Variants in ADAMTS13 observed in about 807,000 individuals in gnomAD.
ADAMTS13 encodes A disintegrin and metalloproteinase with thrombospondin motifs 13.
In ADAMTS13, 110 loss-of-function variants were observed where a neutral mutation model predicts 155.1. That is an observed-to-expected ratio of 0.71 (90% confidence interval 0.61 to 0.83). The LOEUF is 0.83. Among genes scored for constraint, ADAMTS13 ranks in the 40% least tolerant of loss-of-function variants. The pLI is 0.00. For missense variants in ADAMTS13, 1,707 were observed against 1,891.7 expected, an observed-to-expected ratio of 0.90 and a Z score of 1.81; for synonymous variants, 758 against 756.4, an observed-to-expected ratio of 1.00 and a Z score of -0.03.
At chr9:133,447,504 C>T (rs1003017724) in intron 21 of ADAMTS13, among the ~76,000 whole-genome samples, 19 of 152,094 alleles carry the variant, frequency 1.2e-4, no homozygotes, top group Admixed American at 3.3e-4. Flanking sequence ...TGAGCTCAAG[C>T]GATCCTTCTG....
intron 1 of ADAMTS13, among the ~76,000 whole-genome samples, chr9:133,416,370 A>T (rs56190949): frequency 2.6e-5 from 4 of 152,154 alleles, no homozygotes; most frequent in African/African-American, 7.2e-5. Flanking sequence ...TTTCTTTTTT[A>T]AAAAAACTAC....
chr9:133,427,736 T>A (rs919069052), intron 6 of ADAMTS13, among the ~76,000 whole-genome samples: 2 of 152,192 alleles, frequency 1.3e-5, no homozygotes, highest in African/African-American at 4.8e-5. Flanking sequence ...GCATAGCCCC[T>A]TTTGAAGCCA....
Position 133,442,404 on chromosome 9 carries a change from C to T in ADAMTS13, c.1974C>T (p.Tyr658=), listed in dbSNP as rs1841737511. 2 of 1,613,834 alleles carry T rather than the reference C, an allele frequency of 1.2e-6. No individual in the cohort carries two copies. Among genetic ancestry groups the T allele is most frequent in the South Asian group, 1.1e-5 (1 of 91,094 alleles). ...PLQEDADIQV[Y]RRYGEEYGNL... ...CTGAAGCTCTTTGTCTGCAGGTTTA[C>T]AGGCGGTATGGCGAGGAGTATGGCA... Residue 658 remains tyrosine (Y), a synonymous_variant, in exon 17 of 29, where the codon TAC becomes TAT. Transcript: ENST00000355699.
At chr9:133,417,375 A>G (rs1554781855), upstream of ADAMTS13, among the ~76,000 whole-genome samples, 2 of 152,378 alleles carry the variant, frequency 1.3e-5, no homozygotes. Context: ...TTAGTTCATT[A>G]TGCAAAAGGT....
chr9:133,451,461 T>A (rs587601394), intron 23 of ADAMTS13, among the ~76,000 whole-genome samples: 67 of 152,260 alleles, frequency 4.4e-4, no homozygotes, highest in African/African-American at 1.6e-3. Context: ...TTTCACCATA[T>A]TGGTCAGGCC....
intron 1 of ADAMTS13, chr9:133,416,028 A>C (rs955449403): frequency 6.6e-6 from 1 of 152,230 alleles, no homozygotes; most frequent in Non-Finnish European, 1.5e-5. Flanking sequence ...GCTATAAAGG[A>C]ATACCTGTGT....
chr9:133,437,885 G>A lies in ADAMTS13; in HGVS notation c.1572G>A (p.Ser524=), dbSNP rs1554789601. 17 of 1,613,616 alleles carry A rather than the reference G, an allele frequency of 1.1e-5. No homozygotes were observed. Among genetic ancestry groups the A allele is most frequent in the Non-Finnish European group, 1.4e-5 (16 of 1,179,964 alleles). Residue 524 remains serine (S), a synonymous_variant, in exon 13 of 29, where the codon TCG becomes TCA. Coordinates refer to ENST00000355699, the MANE Select transcript of ADAMTS13 (RefSeq NM_139027.6). ...ACGGGACCCTGAGCCTGTGTGTGTC[G>A]GGCAGCTGCAGGGTAGGCGTGTGTG... ...REDGTLSLCV[S]GSCRTFGCDG...
upstream of ADAMTS13, among the ~76,000 whole-genome samples, chr9:133,420,687 G>A (rs782177165): frequency 2.0e-5 from 3 of 152,198 alleles, no homozygotes; most frequent in African/African-American, 4.8e-5. Flanking sequence ...TTCCAGGAAC[G>A]CAGAATGTGT....
chr9:133,437,661 C>T (rs1008186699), intron 12 of ADAMTS13, 88 bp from the exon 13 acceptor site: 1 of 1,524,850 alleles, frequency 6.6e-7, no homozygotes, highest in African/African-American at 1.4e-5. Flanking sequence ...ACCCTTGCCC[C>T]AGATGCAAAG....
chr9:133,437,551 C>G (rs1841329523), intron 12 of ADAMTS13, among the ~76,000 whole-genome samples, 198 bp from the exon 13 acceptor site: 1 of 152,208 alleles, frequency 6.6e-6, no homozygotes, highest in Non-Finnish European at 1.5e-5. Flanking sequence ...AACCATTGCG[C>G]CCAGCCTTGG....
chr9:133,430,815 C>G (rs1199004040), intron 8 of ADAMTS13, among the ~76,000 whole-genome samples: 3 of 151,464 alleles, frequency 2.0e-5, no homozygotes, highest in African/African-American at 7.3e-5. Context: ...CGCCCGCCAC[C>G]ACGCCTGGCT....
chr9:133,455,599 G>A (rs1248387608), intron 25 of ADAMTS13, 164 bp downstream of exon 25: 13 of 1,601,122 alleles, frequency 8.1e-6, no homozygotes, highest in Non-Finnish European at 1.0e-5. Context: ...ACTCAGTGCA[G>A]TCCAGTTATG....
chr9:133,448,857 C>A (rs1842246227), intron 22 of ADAMTS13, 129 bp downstream of exon 22: 2 of 1,402,674 alleles, frequency 1.4e-6, no homozygotes, highest in East Asian at 5.1e-5. Context: ...TGAGGCTGGA[C>A]CATGGCCGCC....
rs587639095 is a variant in ADAMTS13, at chr9:133,429,216, G to GT, written c.824+446dup. On this transcript the variant is annotated intron_variant, in intron 7 of 28. Coordinates refer to ENST00000355699, the MANE Select transcript of ADAMTS13 (RefSeq NM_139027.6). ...TGCCCCACCCCCTGCACCTCCCCCC[G>GT]TGCTGTCCCACTCTGCGGCCACCCT... 8.8e-3 allele frequency among the ~76,000 whole-genome samples: 418 copies of GT among 47,590 alleles called. 6 individuals carry two copies. Among genetic ancestry groups the GT allele is most frequent in the African/African-American group, 0.033 (349 of 10,660 alleles). The allele number at this position is 47,590 out of a possible 152,430, so 31.2% of individuals were successfully genotyped here.
At chr9:133,449,000 CT>C (rs782039656) in intron 22 of ADAMTS13, among the ~76,000 whole-genome samples, 7 of 152,218 alleles carry the variant, frequency 4.6e-5, no homozygotes, top group Non-Finnish European at 1.0e-4. Context: ...TGCATCCTGG[CT>C]CTTTCCTCAC....
Position 133,459,227 on chromosome 9 carries a change from A to C in ADAMTS13, c.*47A>C. The C allele has an allele frequency of 1.3e-6, 2 of 1,534,326 alleles. No homozygotes were observed. The highest frequency in any genetic ancestry group is 1.9e-5 in the Admixed American group (1 of 53,148). On this transcript the variant is annotated 3_prime_UTR_variant, in exon 29 of 29. Transcript: ENST00000355699. ...GTGTCTGGCCAGCCCTGGAGGGTTG[A>C]CCCCTGGTCTCAGTGCTTTCCAATT...
upstream of ADAMTS13, among the ~76,000 whole-genome samples, chr9:133,419,092 G>A (rs866082952): frequency 4.6e-5 from 7 of 152,060 alleles, no homozygotes; most frequent in Non-Finnish European, 5.9e-5. Context: ...CATCCGCCTC[G>A]GCCTCCCAAA....
intron 23 of ADAMTS13, among the ~76,000 whole-genome samples, chr9:133,451,107 G>T (rs900936072): frequency 3.3e-5 from 5 of 152,082 alleles, no homozygotes; most frequent in Admixed American, 6.5e-5. Flanking sequence ...TTCTTTAATG[G>T]TTTCTTTTTG....
At chr9:133,452,187 A>AC (rs1434814428) in intron 23 of ADAMTS13, among the ~76,000 whole-genome samples, 1 of 150,472 alleles carries the variant, frequency 6.6e-6, no homozygotes. Flanking sequence ...ATCTCAGCTC[A>AC]CTGCAACCTC....
Sources: allele counts gnomAD v4.1 joint callset (sites outside exome capture counted in the v4.1 genomes callset), GRCh38; gene constraint gnomAD v4.1.1; transcripts MANE v1.5; gene names NCBI Gene and HGNC (gene_info 2026-07-23, HGNC 2026-07-21).